CDADC1: variants seen among roughly 807,000 people sequenced by gnomAD.
The protein encoded by CDADC1 is cytidine and dCMP deaminase domain containing 1, also known as dCTP deaminase.
CDADC1 carries 39 observed loss-of-function variants against 54.9 expected under a neutral mutation model. The ratio of observed to expected loss-of-function variants is 0.71; its 90% CI spans 0.55 to 0.93. CDADC1 has a LOEUF of 0.93. Among genes scored for constraint, CDADC1 ranks in the 40% least tolerant of loss-of-function variants. The pLI, the probability that CDADC1 is intolerant of heterozygous loss-of-function variation, is 0.00. For missense variants in CDADC1, 518 were observed against 618.8 expected, an observed-to-expected ratio of 0.84 and a Z score of 1.73; for synonymous variants, 186 against 204.0, an observed-to-expected ratio of 0.91 and a Z score of 0.75.
chr13:49,248,254 C>T (rs1390634491), intron 1 of CDADC1, 135 bp downstream of exon 1: 4 of 744,724 alleles, frequency 5.4e-6, no homozygotes, highest in Non-Finnish European at 8.7e-6. Context: ...TGCCCGCCCT[C>T]TGCGTGTCCC....
chr13:49,267,565 A>G lies in CDADC1; in HGVS notation c.506A>G (p.Asp169Gly). Reference protein sequence around the residue: ...SLLTEASSSEDAKLDAKAVER... With the variant: ...SLLTEASSSEGAKLDAKAVER... ...CTTACGGAGGCTTCTAGTTCTGAAG[A>G]TGCAAAGTTAGATGCCAAAGCAGTG... Residue 169 changes from aspartate (D) to glycine (G), a missense_variant, in exon 5 of 10, where the codon GAT (aspartate) becomes GGT (glycine). By Grantham distance (94) the Asp-to-Gly change is moderately conservative. Coordinates refer to ENST00000251108, the MANE Select transcript of CDADC1 (RefSeq NM_030911.4). 1 of 1,614,154 alleles carries G rather than the reference A, an allele frequency of 6.2e-7. No individual in the cohort carries two copies. The highest frequency in any genetic ancestry group is 8.5e-7 in the Non-Finnish European group (1 of 1,180,018).
intron 4 of CDADC1, among the ~76,000 whole-genome samples, chr13:49,265,363 C>G (rs1952792401): frequency 6.6e-6 from 1 of 152,186 alleles, no homozygotes; most frequent in South Asian, 2.1e-4. Context: ...CTTCATGAAA[C>G]TCATTCATGA....
At chr13:49,255,940 A>G (rs144644908) in intron 3 of CDADC1, 27 bp downstream of exon 3, 64 of 1,601,092 alleles carry the variant, frequency 4.0e-5, no homozygotes, top group African/African-American at 1.8e-4. Flanking sequence ...TCACATATAT[A>G]TGCTCATAAT....
chr13:49,259,398 A>T lies in CDADC1; in HGVS notation c.305A>T (p.His102Leu). ...VVKNMKIVGL[H>L]CSSEDLHAGQ... ...AAAAACATGAAAATTGTTGGTCTCC[A>T]CTGTTCTAGTGAAGATTTACATGCC... The change falls in exon 4 of 10, where the codon CAC becomes CTC. Residue 102 changes from histidine (H) to leucine (L), a missense_variant. Transcript: ENST00000251108. 1 of 1,614,120 alleles carries T rather than the reference A, an allele frequency of 6.2e-7. No individual in the cohort carries two copies. Among genetic ancestry groups the T allele is most frequent in the South Asian group, 1.1e-5 (1 of 91,080 alleles).
intron 5 of CDADC1, among the ~76,000 whole-genome samples, chr13:49,273,117 T>C (rs1953012664): frequency 6.6e-6 from 1 of 152,252 alleles, no homozygotes; most frequent in South Asian, 2.1e-4. Context: ...GAAATTTTAT[T>C]AGAGTATCAT....
intron 5 of CDADC1, among the ~76,000 whole-genome samples, chr13:49,269,633 GAT>G (rs1952913815): frequency 6.6e-6 from 1 of 152,136 alleles, no homozygotes. Context: ...CATTCAAAAA[GAT>G]AGAAAACATA....
In CDADC1 at chr13:49,292,401, G is replaced by A; in HGVS notation, c.*644G>A. ...AGGAAGAGAGTGTTATTCTGAGACA[G>A]TGTCGCTGCTTGATATCACTGACTC... On this transcript the variant is annotated 3_prime_UTR_variant, in exon 10 of 10. Transcript: ENST00000251108. 1.0e-6 allele frequency: 1 copy of A among 994,684 alleles called. No homozygotes were observed. The highest frequency in any genetic ancestry group is 1.2e-6 in the Non-Finnish European group (1 of 835,342). 61.6% of individuals were successfully genotyped at this position (994,684 alleles called of 1,614,324 possible).
intron 2 of CDADC1, among the ~76,000 whole-genome samples, chr13:49,249,552 A>T (rs186446112): frequency 1.8e-4 from 27 of 152,232 alleles, no homozygotes; most frequent in Middle Eastern, 3.4e-3. Flanking sequence ...TGGGCAACAT[A>T]GTGAAACCCC....
At position 49,293,077 on chromosome 13, in the gene CDADC1, A is replaced by T. The variant is rs1325931070; in HGVS notation, c.*1320A>T. ...GATAGGACAGGAGAGGAGGTGATGT[A>T]CACTTAGAGGTAACTAAGGCTAGTT... On this transcript the variant is annotated 3_prime_UTR_variant, in exon 10 of 10. Coordinates refer to ENST00000251108, the MANE Select transcript of CDADC1 (RefSeq NM_030911.4). The T allele has an allele frequency of 1.2e-5, 2 of 160,784 alleles. No individual in the cohort carries two copies. Among genetic ancestry groups the T allele is most frequent in the Non-Finnish European group, 2.7e-5 (2 of 73,286 alleles). The allele number at this position is 160,784 out of a possible 1,614,324, so 10.0% of individuals were successfully genotyped here.
chr13:49,263,882 G>A (rs1015632401), intron 4 of CDADC1, among the ~76,000 whole-genome samples: 1 of 152,140 alleles, frequency 6.6e-6, no homozygotes, highest in African/African-American at 2.4e-5. Context: ...CTAATGACAA[G>A]AGCGAAGACC....
intron 6 of CDADC1, among the ~76,000 whole-genome samples, chr13:49,277,649 A>C (rs1953188505): frequency 6.6e-6 from 1 of 152,156 alleles, no homozygotes; most frequent in African/African-American, 2.4e-5. Context: ...TATTCCAAAA[A>C]ACTATTACAC....
At chr13:49,289,120 CTTTTTT>C (rs66814830) in intron 9 of CDADC1, among the ~76,000 whole-genome samples, 28 of 60,990 alleles carry the variant, frequency 4.6e-4, no homozygotes, top group African/African-American at 7.1e-4. Flanking sequence ...TTTTTTTTTG[CTTTTTT>C]TTTTTTTTTT....
At chr13:49,266,024 C>G in intron 4 of CDADC1, 1 of 1,154,890 alleles carries the variant, frequency 8.7e-7, no homozygotes, top group South Asian at 1.3e-5. Context: ...TTCAAAATTG[C>G]TTTGCAGCAT....
At chr13:49,289,075 CAG>C (rs1278020589) in intron 9 of CDADC1, among the ~76,000 whole-genome samples, 1 of 143,330 alleles carries the variant, frequency 7.0e-6, no homozygotes, top group East Asian at 2.1e-4. Context: ...TATTAGTAGT[CAG>C]AGAAATGCAA....
intron 4 of CDADC1, among the ~76,000 whole-genome samples, chr13:49,263,900 G>A (rs1027633051): frequency 2.6e-5 from 4 of 152,174 alleles, no homozygotes; most frequent in African/African-American, 7.2e-5. Context: ...ACCTGTTAAA[G>A]TTCCTTCCAC....
chr13:49,274,760 C>T (rs372786247), intron 6 of CDADC1, among the ~76,000 whole-genome samples: 7 of 152,114 alleles, frequency 4.6e-5, no homozygotes, highest in East Asian at 1.9e-4. Flanking sequence ...TCTAGATAGA[C>T]GCATTCATTC....
chr13:49,273,761 A>G (rs1368388396), intron 5 of CDADC1, among the ~76,000 whole-genome samples: 1 of 151,468 alleles, frequency 6.6e-6, no homozygotes, highest in Non-Finnish European at 1.5e-5. Context: ...ATCCATAAAG[A>G]TTTGTTTATG....
At chr13:49,262,463 A>C (rs886772698) in intron 4 of CDADC1, among the ~76,000 whole-genome samples, 3 of 152,102 alleles carry the variant, frequency 2.0e-5, no homozygotes, top group Non-Finnish European at 4.4e-5. Flanking sequence ...GCAAAAACAA[A>C]AACACTACAT....
chr13:49,266,167 A>C (rs977946920), intron 4 of CDADC1, among the ~76,000 whole-genome samples: 1 of 152,286 alleles, frequency 6.6e-6, no homozygotes, highest in African/African-American at 2.4e-5. Context: ...TCTGGGTACA[A>C]TCACAAAAAA....
Sources: allele counts gnomAD v4.1 joint callset (sites outside exome capture counted in the v4.1 genomes callset), GRCh38; gene constraint gnomAD v4.1.1; transcripts MANE v1.5; gene names NCBI Gene and HGNC (gene_info 2026-07-23, HGNC 2026-07-21).